The following SEMA3C variants were observed in gnomAD, a reference collection of about 807,000 sequenced individuals.
The protein encoded by SEMA3C is semaphorin-3C.
Under a neutral mutation model 89.4 loss-of-function variants are expected in SEMA3C, and 47 were observed. The ratio of observed to expected loss-of-function variants is 0.53; its 90% CI spans 0.42 to 0.67. The LOEUF is 0.67. SEMA3C is among the 30% of genes least tolerant of loss of function. The pLI, the probability that SEMA3C is intolerant of heterozygous loss-of-function variation, is 0.00. For synonymous variants in SEMA3C, 310 were observed against 320.2 expected, an observed-to-expected ratio of 0.97 and a Z score of 0.34; for missense variants, 839 against 929.1, an observed-to-expected ratio of 0.90 and a Z score of 1.26.
intron 5 of SEMA3C, among the ~76,000 whole-genome samples, chr7:80,817,171 A>C (rs373978921): frequency 4.9e-4 from 74 of 152,284 alleles, no homozygotes; most frequent in African/African-American, 1.3e-3. Flanking sequence ...AAAATGTCTC[A>C]TTTTGGGGTC....
chr7:80,826,419 C>A (rs1317153451), intron 4 of SEMA3C, among the ~76,000 whole-genome samples: 1 of 152,072 alleles, frequency 6.6e-6, no homozygotes, highest in Non-Finnish European at 1.5e-5. Flanking sequence ...ACCCAATTAC[C>A]ATATTTCCAG....
chr7:80,815,443 T>C (rs1356897848), intron 5 of SEMA3C, among the ~76,000 whole-genome samples: 1 of 150,400 alleles, frequency 6.6e-6, no homozygotes, highest in Non-Finnish European at 1.5e-5. Flanking sequence ...CCTCCTACTC[T>C]GAGAAGCTTA....
chr7:80,869,104 G>A (rs770162510), intron 2 of SEMA3C, among the ~76,000 whole-genome samples: 4 of 152,186 alleles, frequency 2.6e-5, no homozygotes, highest in African/African-American at 9.6e-5. Flanking sequence ...GGATTGTGGC[G>A]ATTTATTTAA....
At chr7:80,899,969 C>T (rs1014453978) in intron 2 of SEMA3C, among the ~76,000 whole-genome samples, 1 of 152,112 alleles carries the variant, frequency 6.6e-6, no homozygotes, top group Non-Finnish European at 1.5e-5. Context: ...TTAAGGGATA[C>T]AGGTGCAGTT....
At chr7:80,857,221 A>G (rs1020176832) in intron 2 of SEMA3C, among the ~76,000 whole-genome samples, 2 of 152,142 alleles carry the variant, frequency 1.3e-5, no homozygotes, top group African/African-American at 4.8e-5. Flanking sequence ...CATGATTTGC[A>G]CAATTTTCCC....
chr7:80,911,524 G>A lies in SEMA3C; in HGVS notation c.103+5155C>T, dbSNP rs183341106. Among the ~76,000 whole-genome samples, 44 of 151,856 alleles carry A rather than the reference G, an allele frequency of 2.9e-4. No homozygotes were observed. The East Asian group carries it at 5.6e-3, about 19-fold the overall frequency. On this transcript the variant is annotated intron_variant, in intron 2 of 17. Coordinates refer to ENST00000265361, the MANE Select transcript of SEMA3C (RefSeq NM_006379.5). ...CAACATGTGAACAAATTTAAAATAA[G>A]CTATCTAGGATCACTTGCACCATCT...
chr7:80,840,914 A>G (rs1277140220), intron 2 of SEMA3C, among the ~76,000 whole-genome samples: 6 of 152,198 alleles, frequency 3.9e-5, no homozygotes, highest in Non-Finnish European at 7.4e-5. Context: ...CTTTGACCTG[A>G]AGGATAAAGT....
At chr7:80,760,097 G>T (rs1388526705) in intron 14 of SEMA3C, among the ~76,000 whole-genome samples, 1 of 152,134 alleles carries the variant, frequency 6.6e-6, no homozygotes, top group East Asian at 1.9e-4. Context: ...ATACACATAA[G>T]ATGTCATTAA....
intron 2 of SEMA3C, among the ~76,000 whole-genome samples, chr7:80,875,101 C>A (rs78593297): frequency 9.7e-5 from 14 of 143,992 alleles, no homozygotes; most frequent in Non-Finnish European, 7.6e-5. Context: ...AAAACAAAAC[C>A]AAAAAAAAAA....
chr7:80,821,631 G>A (rs1436605193), intron 4 of SEMA3C, among the ~76,000 whole-genome samples: 3 of 152,186 alleles, frequency 2.0e-5, no homozygotes, highest in Non-Finnish European at 4.4e-5. Context: ...ATGTTAGCCA[G>A]GATGCACAGT....
chr7:80,767,295 T>G (rs1562866097), intron 12 of SEMA3C, among the ~76,000 whole-genome samples: 1 of 152,144 alleles, frequency 6.6e-6, no homozygotes, highest in Non-Finnish European at 1.5e-5. Context: ...GTAGAGGAAA[T>G]TTTGAAATTA....
chr7:80,792,646 T>C (rs887314380), intron 11 of SEMA3C, among the ~76,000 whole-genome samples: 1 of 152,150 alleles, frequency 6.6e-6, no homozygotes, highest in Non-Finnish European at 1.5e-5. Flanking sequence ...TCTAAACAAA[T>C]CAAATAAGTT....
At chr7:80,920,490 G>A (rs925128492), upstream of SEMA3C, among the ~76,000 whole-genome samples, 9 of 152,314 alleles carry the variant, frequency 5.9e-5, no homozygotes, top group African/African-American at 2.2e-4. Context: ...CAGGTAGGAG[G>A]AAGAGGTGAG....
At chr7:80,846,957 C>T (rs1790405165) in intron 2 of SEMA3C, among the ~76,000 whole-genome samples, 1 of 152,190 alleles carries the variant, frequency 6.6e-6, no homozygotes, top group Non-Finnish European at 1.5e-5. Context: ...GTAACACCTC[C>T]CTCCAGTACT....
intron 2 of SEMA3C, among the ~76,000 whole-genome samples, chr7:80,836,000 C>A (rs1395897058): frequency 6.6e-6 from 1 of 152,168 alleles, no homozygotes; most frequent in Non-Finnish European, 1.5e-5. Flanking sequence ...CTGACAACTT[C>A]GACAGTTACT....
intron 15 of SEMA3C, among the ~76,000 whole-genome samples, chr7:80,754,965 T>TTTGTTTTTTTTG (rs781275156): frequency 1.9e-5 from 1 of 52,950 alleles, no homozygotes; most frequent in African/African-American, 6.4e-5. Context: ...TTGTTTTTTT[T>TTTGTTTTTTTTG]TTTTTTGTAT....
At chr7:80,864,250 T>G (rs1790873570) in intron 2 of SEMA3C, among the ~76,000 whole-genome samples, 1 of 150,652 alleles carries the variant, frequency 6.6e-6, no homozygotes, top group African/African-American at 2.5e-5. Context: ...GGGGGAAGAG[T>G]GAGAGCGGGT....
intron 2 of SEMA3C, among the ~76,000 whole-genome samples, chr7:80,848,460 C>A (rs191533719): frequency 6.6e-6 from 1 of 152,268 alleles, no homozygotes. Flanking sequence ...GATAACTTGA[C>A]CACCTTCATG....
At chr7:80,824,738 C>A (rs1789832373) in intron 4 of SEMA3C, among the ~76,000 whole-genome samples, 1 of 152,156 alleles carries the variant, frequency 6.6e-6, no homozygotes, top group Non-Finnish European at 1.5e-5. Flanking sequence ...GACCATCCCA[C>A]TTCACAGCAG....
Sources: allele counts gnomAD v4.1 joint callset (sites outside exome capture counted in the v4.1 genomes callset), GRCh38; gene constraint gnomAD v4.1.1; transcripts MANE v1.5; gene names NCBI Gene and HGNC (gene_info 2026-07-23, HGNC 2026-07-21).